PDE1C: variants seen among roughly 807,000 people sequenced by gnomAD.
PDE1C encodes phosphodiesterase 1C.
Under a neutral mutation model 93.1 loss-of-function variants are expected in PDE1C, and 62 were observed. The observed-to-expected ratio is 0.67, with a 90% CI of 0.54 to 0.82. The LOEUF (loss-of-function observed/expected upper bound fraction) is 0.82, where lower values mean the gene tolerates loss of function less well. PDE1C is among the 40% of genes least tolerant of loss of function. PDE1C has a pLI of 0.00. For missense variants in PDE1C, 742 were observed against 884.6 expected (o/e 0.84, Z 2.04); for synonymous variants, 325 against 310.1 (o/e 1.05, Z -0.50).
the PDE1C span, among the ~76,000 whole-genome samples, chr7:31,691,797 T>TTAA: frequency 2.3e-5 from 2 of 86,558 alleles, no homozygotes; most frequent in Non-Finnish European, 4.4e-5. Flanking sequence ...ATGTAATGAT[T>TTAA]AAAAAAAAAA....
At position 31,824,904 on chromosome 7, in the gene PDE1C, T is replaced by C. The variant is rs1489590711; in HGVS notation, c.1369A>G (p.Thr457Ala). 2 of 1,612,218 alleles carry C rather than the reference T, an allele frequency of 1.2e-6. No individual in the cohort carries two copies. Among genetic ancestry groups the C allele is most frequent in the African/African-American group, 1.3e-5 (1 of 74,502 alleles). Residue 457 changes from threonine to alanine, a missense_variant, in exon 13 of 18, where the codon ACC (threonine) becomes GCC (alanine). Thr to Ala is a moderately conservative substitution (Grantham distance 58). Coordinates refer to ENST00000396191, the MANE Select transcript of PDE1C (RefSeq NM_001191057.4). ...TGTCCTGTCCCACCAGTTTGAGAGG[T>C]TTCATCGATTAATGGACTCACAATC... Reference protein sequence around the residue: ...EKIVSPLIDETSQTGGTGQRR... With the variant: ...EKIVSPLIDEASQTGGTGQRR...
intron 2 of PDE1C, among the ~76,000 whole-genome samples, chr7:31,927,526 C>G (rs910224754): frequency 6.6e-6 from 1 of 152,212 alleles, no homozygotes; most frequent in Non-Finnish European, 1.5e-5. Context: ...CAGGGGTCAA[C>G]AGACACCTCA....
At chr7:32,187,541 AAC>A (rs1803964726) in intron 2 of PDE1C, among the ~76,000 whole-genome samples, 1 of 150,678 alleles carries the variant, frequency 6.6e-6, no homozygotes, top group African/African-American at 2.5e-5. Context: ...TATTTCACAT[AAC>A]ATTCTGTTTT....
chr7:31,690,031 C>A, the PDE1C span, among the ~76,000 whole-genome samples: 1 of 152,180 alleles, frequency 6.6e-6, no homozygotes, highest in South Asian at 2.1e-4. Flanking sequence ...TCACTGCTTT[C>A]CCTCACCTTG....
the PDE1C span, among the ~76,000 whole-genome samples, chr7:31,636,878 CT>C: frequency 9.2e-6 from 1 of 108,192 alleles, no homozygotes; most frequent in African/African-American, 3.5e-5. Context: ...TCCCTCCCCC[CT>C]CCCCCCTCCC....
chr7:32,402,958 T>G (rs112831205), intron 1 of PDE1C, among the ~76,000 whole-genome samples: 6 of 152,150 alleles, frequency 3.9e-5, no homozygotes, highest in African/African-American at 1.4e-4. Flanking sequence ...GGCAAGAATG[T>G]GTTAGTGTGT....
rs73690321 is a variant in PDE1C at position 31,887,674 on chromosome 7, A to C, written c.129-6814T>G. On this transcript the variant is annotated intron_variant, in intron 2 of 17. Transcript: ENST00000396191. ...CATTCTTTTCAAGTGTACATGTAAT[A>C]GTAATCAAAACTGACCATGTGCAGG... 5.6e-3 allele frequency among the ~76,000 whole-genome samples: 853 copies of C among 152,330 alleles called. 8 individuals are homozygous for C. Among genetic ancestry groups the C allele is most frequent in the African/African-American group, 0.019 (810 of 41,584 alleles).
downstream of PDE1C, among the ~76,000 whole-genome samples, chr7:31,746,642 A>G (rs982015386): frequency 1.2e-4 from 18 of 152,224 alleles, no homozygotes; most frequent in African/African-American, 4.1e-4. Flanking sequence ...TCAGCAGTAG[A>G]AACCGGATAT....
chr7:31,889,734 T>C (rs1798394151), intron 2 of PDE1C, among the ~76,000 whole-genome samples: 1 of 152,168 alleles, frequency 6.6e-6, no homozygotes, highest in African/African-American at 2.4e-5. Flanking sequence ...CAAAATGCAC[T>C]GTCAAGTCCA....
chr7:31,621,732 A>G, the PDE1C span, among the ~76,000 whole-genome samples: 1 of 147,086 alleles, frequency 6.8e-6, no homozygotes, highest in African/African-American at 2.5e-5. Context: ...CATCATAATG[A>G]CAGGATCAAA....
chr7:32,290,204 C>T (rs1585085377), intron 1 of PDE1C, among the ~76,000 whole-genome samples: 1 of 152,298 alleles, frequency 6.6e-6, no homozygotes, highest in African/African-American at 2.4e-5. Flanking sequence ...TGGAAGCACC[C>T]GGCTTGGCTG....
intron 1 of PDE1C, among the ~76,000 whole-genome samples, chr7:32,422,106 G>A (rs1238354193): frequency 1.3e-5 from 2 of 152,108 alleles, no homozygotes; most frequent in East Asian, 3.8e-4. Flanking sequence ...ACACCCACAG[G>A]GGCCCCACAC....
chr7:32,381,434 T>C (rs1784531936), intron 1 of PDE1C, among the ~76,000 whole-genome samples: 1 of 152,068 alleles, frequency 6.6e-6, no homozygotes, highest in African/African-American at 2.4e-5. Context: ...AAATCCAATA[T>C]CCTTATCGTG....
intron 2 of PDE1C, among the ~76,000 whole-genome samples, chr7:31,964,963 C>T (rs1466688394): frequency 6.6e-6 from 1 of 152,106 alleles, no homozygotes; most frequent in African/African-American, 2.4e-5. Context: ...CTGTACATCA[C>T]CATCATCAAA....
chr7:32,158,261 G>A (rs975325720), intron 3 of PDE1C, among the ~76,000 whole-genome samples: 2 of 152,076 alleles, frequency 1.3e-5, no homozygotes, highest in Non-Finnish European at 2.9e-5. Context: ...TGATATGCCC[G>A]CCTCAAGTAC....
intron 2 of PDE1C, chr7:32,170,007 C>A: frequency 6.7e-7 from 1 of 1,501,450 alleles, no homozygotes; most frequent in South Asian, 1.2e-5. Context: ...CCAGTTGACT[C>A]CATGTCCTGC....
At chr7:31,971,929 A>T (rs1385490307) in intron 2 of PDE1C, among the ~76,000 whole-genome samples, 1 of 152,152 alleles carries the variant, frequency 6.6e-6, no homozygotes, top group Non-Finnish European at 1.5e-5. Context: ...CGCCCACTGT[A>T]ACTAGTCTTG....
At chr7:32,088,491 A>C (rs1797261833) in intron 3 of PDE1C, among the ~76,000 whole-genome samples, 1 of 152,258 alleles carries the variant, frequency 6.6e-6, no homozygotes, top group East Asian at 1.9e-4. Context: ...TAATCTGCCT[A>C]GTCCGCCAAG....
intron 17 of PDE1C, among the ~76,000 whole-genome samples, chr7:31,763,625 A>C (rs145603807): frequency 2.0e-5 from 3 of 152,352 alleles, no homozygotes; most frequent in African/African-American, 7.2e-5. Context: ...TTTTAAAGGA[A>C]ATATAAATGG....
Sources: allele counts gnomAD v4.1 joint callset (sites outside exome capture counted in the v4.1 genomes callset), GRCh38; gene constraint gnomAD v4.1.1; transcripts MANE v1.5; gene names NCBI Gene and HGNC (gene_info 2026-07-23, HGNC 2026-07-21).